The following UBASH3A variants were observed in gnomAD, a reference collection of about 807,000 sequenced individuals.
The protein encoded by UBASH3A is ubiquitin-associated and SH3 domain-containing protein A.
UBASH3A carries 63 observed loss-of-function variants against 73.5 expected under a neutral mutation model. The observed-to-expected ratio is 0.86, with a 90% CI of 0.70 to 1.06. The LOEUF is 1.06. Among genes scored for constraint, UBASH3A ranks in the 50% least tolerant of loss-of-function variants. The probability of loss-of-function intolerance (pLI) is 0.00; values close to 1 mark genes in which losing one functional copy is unlikely to be tolerated. For missense variants in UBASH3A, 860 were observed against 859.0 expected (o/e 1.00, Z -0.02); for synonymous variants, 363 against 351.1 (o/e 1.03, Z -0.38).
chr21:42,418,354 A>G (rs761279378), intron 6 of UBASH3A, 47 bp from the exon 7 acceptor site: 11 of 1,568,398 alleles, frequency 7.0e-6, no homozygotes, highest in South Asian at 6.7e-5. Flanking sequence ...CCATTTTCCA[A>G]TGTAAATCTT....
At chr21:42,439,072 C>T (rs1281313446) in intron 11 of UBASH3A, among the ~76,000 whole-genome samples, 3 of 152,244 alleles carry the variant, frequency 2.0e-5, no homozygotes, top group Non-Finnish European at 2.9e-5. Context: ...CCGTCAGAGA[C>T]GCTCCCTCAG....
rs1319290296 is a variant in UBASH3A, at chr21:42,413,128, C to T, written c.459C>T (p.Ser153=). ...CCGTGCCTCTGGCTCTCCACTCCTC[C>T]ATCAGCTACCTCGGCTTCTTCGTCA... ...PTAVPLALHS[S]ISYLGFFVSG... The change falls in exon 4 of 15, where the codon TCC becomes TCT. Residue 153 remains serine (S), a synonymous_variant. Transcript: ENST00000319294. This position sits in a 1 kb window ranked among gnomAD's most constrained non-coding sequence, Gnocchi z 4.5. The T allele has an allele frequency of 1.2e-6, 2 of 1,614,232 alleles. No homozygotes were observed. Among genetic ancestry groups the T allele is most frequent in the Admixed American group, 3.3e-5 (2 of 60,032 alleles).
chr21:42,430,679 T>A (rs1355224675), intron 8 of UBASH3A, among the ~76,000 whole-genome samples: 1 of 152,104 alleles, frequency 6.6e-6, no homozygotes, highest in Non-Finnish European at 1.5e-5. Context: ...GCCCCCACCA[T>A]CTCTGTTAAT....
chr21:42,413,436 T>C lies in UBASH3A; in HGVS notation c.580T>C (p.Phe194Leu), dbSNP rs2053142087. 2 of 1,613,870 alleles carry C rather than the reference T, an allele frequency of 1.2e-6. No homozygotes were observed. Among genetic ancestry groups the C allele is most frequent in the South Asian group, 2.2e-5 (2 of 91,066 alleles). Residue 194 changes from phenylalanine to leucine, a missense_variant, in exon 5 of 15, where the codon TTC becomes CTC. Physicochemically the swap from Phe to Leu is conservative, Grantham distance 22. Transcript: ENST00000319294. The surrounding 1 kb of genome is among the most constrained non-coding windows in gnomAD (Gnocchi z 4.5). The part of the protein sequence containing the change: ...AGTSVSRFWI[F>L]SQVPGHGPNL... ...CACTTCCGTTTCCCGCTTCTGGATTTTCAGCCAGGTGCCTGGACATGGCCC... is the reference window on the plus strand; with the variant it reads ...CACTTCCGTTTCCCGCTTCTGGATTCTCAGCCAGGTGCCTGGACATGGCCC...
At chr21:42,407,852 G>A (rs1203265940) in intron 2 of UBASH3A, among the ~76,000 whole-genome samples, 1 of 152,206 alleles carries the variant, frequency 6.6e-6, no homozygotes, top group Non-Finnish European at 1.5e-5. Context: ...TAATTTAGAT[G>A]TTCATCAATG....
chr21:42,430,888 C>T (rs71320524), intron 8 of UBASH3A, among the ~76,000 whole-genome samples: 5 of 152,136 alleles, frequency 3.3e-5, no homozygotes, highest in Non-Finnish European at 7.4e-5. Flanking sequence ...GGTTCCCCAC[C>T]TCTTGCTCTG....
chr21:42,426,228 C>T (rs565949225), intron 7 of UBASH3A, among the ~76,000 whole-genome samples: 4 of 152,258 alleles, frequency 2.6e-5, no homozygotes, highest in Admixed American at 6.5e-5. Context: ...TGTGTCGAGA[C>T]ATTCAAGGAC....
intron 7 of UBASH3A, among the ~76,000 whole-genome samples, chr21:42,421,662 G>C (rs565353383): frequency 6.6e-6 from 1 of 152,286 alleles, no homozygotes; most frequent in African/African-American, 2.4e-5. Flanking sequence ...TGAGATTCAT[G>C]CACATGGCAA....
chr21:42,440,637 G>T (rs760591205), intron 11 of UBASH3A, among the ~76,000 whole-genome samples: 1 of 152,176 alleles, frequency 6.6e-6, no homozygotes, highest in Non-Finnish European at 1.5e-5. Flanking sequence ...CTGGCTGGCC[G>T]CCCACTAGCA....
intron 5 of UBASH3A, 141 bp from the exon 6 acceptor site, chr21:42,416,301 T>C: frequency 1.2e-6 from 1 of 823,872 alleles, no homozygotes. Flanking sequence ...AGCCATCTCC[T>C]TTATGATGTG....
chr21:42,426,640 T>C, intron 7 of UBASH3A, 57 bp from the exon 8 acceptor site: 3 of 1,597,120 alleles, frequency 1.9e-6, no homozygotes, highest in Non-Finnish European at 2.6e-6. Flanking sequence ...ATGCTGGGTC[T>C]CCATGGCAAC....
intron 11 of UBASH3A, among the ~76,000 whole-genome samples, chr21:42,439,915 TCACACACACCACACACATACACACAC>T (rs2053705270): frequency 1.3e-5 from 1 of 79,996 alleles, no homozygotes; most frequent in African/African-American, 5.0e-5. Context: ...ACCACACACC[TCACACACACCACACACATACACACAC>T]CACACACACG....
chr21:42,442,617 C>T (rs769311712), intron 12 of UBASH3A, 21 bp downstream of exon 12: 6 of 1,587,170 alleles, frequency 3.8e-6, no homozygotes, highest in East Asian at 4.5e-5. Context: ...CTAAAGTTCT[C>T]TGCCACTGGG....
intron 10 of UBASH3A, 35 bp from the exon 11 acceptor site, chr21:42,437,453 A>T (rs2053645857): frequency 6.3e-6 from 10 of 1,586,024 alleles, no homozygotes; most frequent in Non-Finnish European, 8.7e-6. Flanking sequence ...TAGAATTATG[A>T]AGGGGCATTT....
At chr21:42,423,936 C>T (rs2053389195) in intron 7 of UBASH3A, among the ~76,000 whole-genome samples, 2 of 152,044 alleles carry the variant, frequency 1.3e-5, no homozygotes, top group East Asian at 1.9e-4. Flanking sequence ...AGGCAGATGA[C>T]GGGAGCTGTT....
Position 42,445,230 on chromosome 21 carries a change from G to A in UBASH3A, c.1848+587G>A, listed in dbSNP as rs1306761773. ...ATGTCCAGTCCATGGGTGAATTGAG[G>A]CAGGCAAACTCAGGAGTGCAGATCC... On this transcript the variant is annotated intron_variant, in intron 14 of 14. Transcript: ENST00000319294. 2.0e-5 allele frequency among the ~76,000 whole-genome samples: 3 copies of A among 152,222 alleles called. 1 individual carries two copies. The highest frequency in any genetic ancestry group is 4.1e-4 in the South Asian group (2 of 4,832).
chr21:42,413,927 T>C lies in UBASH3A; in HGVS notation c.667+404T>C, dbSNP rs2053152457. On this transcript the variant is annotated intron_variant, in intron 5 of 14. Coordinates refer to ENST00000319294, the MANE Select transcript of UBASH3A (RefSeq NM_018961.4). The surrounding 1 kb of genome is among the most constrained non-coding windows in gnomAD (Gnocchi z 4.5). ...TACCATTGGGGTTTAGTGGAAAGGA[T>C]TGTGGACTTGACGTCAGAAGATGTG... 1.3e-5 allele frequency among the ~76,000 whole-genome samples: 2 copies of C among 152,314 alleles called. No homozygotes were observed. The highest frequency in any genetic ancestry group is 2.1e-4 in the South Asian group (1 of 4,826).
Position 42,427,219 on chromosome 21 carries a change from G to A in UBASH3A, c.1170+399G>A, listed in dbSNP as rs528272903. On this transcript the variant is annotated intron_variant, in intron 8 of 14. Coordinates refer to ENST00000319294, the MANE Select transcript of UBASH3A (RefSeq NM_018961.4). ...CAGCAGACTCAGGCCAGGGTCCAGG[G>A]CACAGCAGGGCACCCCGAGCTGGCC... Among the ~76,000 whole-genome samples, 6 of 152,310 alleles carry A rather than the reference G, an allele frequency of 3.9e-5. No individual in the cohort carries two copies. In the South Asian group the frequency reaches 1.2e-3, roughly 32 times the overall value.
Position 42,416,591 on chromosome 21 carries a change from A to T in UBASH3A, c.817A>T (p.Met273Leu). 1 of 1,599,570 alleles carries T rather than the reference A, an allele frequency of 6.3e-7. No homozygotes were observed. Among genetic ancestry groups the T allele is most frequent in the Non-Finnish European group, 8.5e-7 (1 of 1,173,434 alleles). The change falls in exon 6 of 15, where the codon ATG (methionine) becomes TTG (leucine). Residue 273 changes from methionine (M) to leucine (L), a missense_variant. Transcript: ENST00000319294. ...GACCGCAGCACTCTACTCCCGAGAC[A>T]TGCGCTTTGTGCACTACCAGGTGAG... ...QWTAALYSRD[M>L]RFVHYQTLRA... is the part of the protein sequence containing the mutation.
Sources: allele counts gnomAD v4.1 joint callset (sites outside exome capture counted in the v4.1 genomes callset), GRCh38; gene constraint gnomAD v4.1.1; non-coding constraint Gnocchi (gnomAD v3.1); transcripts MANE v1.5; gene names NCBI Gene and HGNC (gene_info 2026-07-23, HGNC 2026-07-21).